The following TASP1 variants were observed in gnomAD, a reference collection of about 807,000 sequenced individuals.
TASP1 encodes the protein taspase 1.
TASP1 carries 16 observed loss-of-function variants against 56.6 expected under a neutral mutation model. That is an observed-to-expected ratio of 0.28 (90% CI 0.19 to 0.43). TASP1 has a LOEUF of 0.43. Ranked by LOEUF, TASP1 falls within the 20% of genes least tolerant of loss-of-function variation. TASP1 has a pLI of 1.00. For synonymous variants in TASP1, 179 were observed against 184.2 expected (o/e 0.97, Z 0.23); for missense variants, 393 against 511.6 (o/e 0.77, Z 2.24).
At chr20:13,549,218 T>G (rs1221328811) in intron 8 of TASP1, among the ~76,000 whole-genome samples, 2 of 152,086 alleles carry the variant, frequency 1.3e-5, no homozygotes, top group Non-Finnish European at 2.9e-5. Context: ...CCCTATTCCC[T>G]CCACTCCTCA....
the TASP1 span, chr20:13,164,880 TG>T: frequency 6.2e-7 from 1 of 1,604,636 alleles, no homozygotes; most frequent in Non-Finnish European, 8.5e-7. Context: ...TTCCTGGTCC[TG>T]AATGACACAT....
intron 12 of TASP1, 72 bp downstream of exon 12, chr20:13,434,971 AG>A (rs766319571): frequency 9.4e-7 from 1 of 1,065,552 alleles, no homozygotes; most frequent in Non-Finnish European, 1.4e-6. Context: ...TATTGACTTA[AG>A]GGTATAAATA....
chr20:13,185,404 C>T, the TASP1 span, among the ~76,000 whole-genome samples: 9 of 152,056 alleles, frequency 5.9e-5, no homozygotes, highest in Non-Finnish European at 1.3e-4. Flanking sequence ...ACCTCTCATA[C>T]ATTATTCCTG....
intron 10 of TASP1, among the ~76,000 whole-genome samples, chr20:13,502,402 A>G (rs1330915986): frequency 6.6e-6 from 1 of 152,198 alleles, no homozygotes; most frequent in African/African-American, 2.4e-5. Context: ...CACTAGAGTG[A>G]CATGGCAACT....
At chr20:13,322,797 C>T in the TASP1 span, among the ~76,000 whole-genome samples, 1 of 152,092 alleles carries the variant, frequency 6.6e-6, no homozygotes, top group Non-Finnish European at 1.5e-5. Context: ...AAGCAAGGGG[C>T]TTTTTATTTA....
At chr20:13,614,898 G>A in intron 4 of TASP1, 1 of 454,230 alleles carries the variant, frequency 2.2e-6, no homozygotes, top group Non-Finnish European at 4.5e-6. Context: ...AAAGACAAAT[G>A]TAGCTGTTTC....
At chr20:13,331,911 AG>A in the TASP1 span, among the ~76,000 whole-genome samples, 1 of 152,096 alleles carries the variant, frequency 6.6e-6, no homozygotes, top group Non-Finnish European at 1.5e-5. Context: ...TCTGGTTTTC[AG>A]TTGGGATTTG....
chr20:13,636,470 G>T (rs1340002545), intron 1 of TASP1, among the ~76,000 whole-genome samples: 2 of 151,820 alleles, frequency 1.3e-5, no homozygotes, highest in African/African-American at 4.8e-5. Context: ...TTGTGTTGTT[G>T]CTTTTAACAT....
downstream of TASP1, among the ~76,000 whole-genome samples, chr20:13,384,573 T>C (rs1483482967): frequency 6.6e-6 from 1 of 152,214 alleles, no homozygotes; most frequent in African/African-American, 2.4e-5. Context: ...GGCTAATACC[T>C]TGCGGACTTG....
intron 4 of TASP1, among the ~76,000 whole-genome samples, chr20:13,591,517 T>C (rs1461584238): frequency 6.6e-6 from 1 of 152,094 alleles, no homozygotes; most frequent in Non-Finnish European, 1.5e-5. Flanking sequence ...AAATAAAGAC[T>C]TCTTCAGACA....
At chr20:13,316,608 C>T in the TASP1 span, among the ~76,000 whole-genome samples, 1 of 151,708 alleles carries the variant, frequency 6.6e-6, no homozygotes, top group African/African-American at 2.4e-5. Context: ...TGGGATTTAT[C>T]CTAGATATGC....
At chr20:13,169,714 A>T in the TASP1 span, among the ~76,000 whole-genome samples, 2 of 152,218 alleles carry the variant, frequency 1.3e-5, no homozygotes, top group African/African-American at 4.8e-5. Context: ...AAAATGTTAA[A>T]CATACGTAAA....
chr20:13,531,507 T>A (rs1381319949), intron 9 of TASP1, among the ~76,000 whole-genome samples: 1 of 151,886 alleles, frequency 6.6e-6, no homozygotes, highest in Admixed American at 6.6e-5. Context: ...TTTTTCTTTT[T>A]TTTGAGACAG....
intron 8 of TASP1, among the ~76,000 whole-genome samples, chr20:13,545,339 TCA>T (rs2045769096): frequency 6.6e-6 from 1 of 152,144 alleles, no homozygotes. Context: ...CAAATTAATC[TCA>T]GTGATGTTTT....
chr20:13,115,447 G>A, the TASP1 span, among the ~76,000 whole-genome samples: 2 of 152,120 alleles, frequency 1.3e-5, no homozygotes, highest in East Asian at 1.9e-4. Context: ...TTAGCTGCCC[G>A]CAGTGTCTAC....
rs749779795 is a variant in TASP1 at position 13,587,399 on chromosome 20, T to C, written c.283-29A>G. The C allele has an allele frequency of 2.6e-6, 4 of 1,559,282 alleles. No individual in the cohort carries two copies. The South Asian group carries it at 3.5e-5, about 14-fold the overall frequency. The stretch of plus-strand genomic sequence containing the variant: ...AAAGACAAAAACAAAAATTAAAATA[T>C]CATTAGTCTTAAAAAAAGTATTAAT... On this transcript the variant is annotated intron_variant, in intron 4 of 13. Transcript: ENST00000337743.
the TASP1 span, among the ~76,000 whole-genome samples, chr20:13,241,479 A>G: frequency 6.6e-6 from 1 of 152,166 alleles, no homozygotes; most frequent in Non-Finnish European, 1.5e-5. Context: ...GCAAGGGGCT[A>G]TGTGTGAGCA....
chr20:13,459,169 T>C (rs375872299), intron 11 of TASP1, among the ~76,000 whole-genome samples: 1 of 152,248 alleles, frequency 6.6e-6, no homozygotes. Flanking sequence ...CCATGACTTC[T>C]CAATTTTTTT....
At chr20:13,475,923 T>C (rs913337516) in intron 11 of TASP1, among the ~76,000 whole-genome samples, 2 of 142,912 alleles carry the variant, frequency 1.4e-5, no homozygotes, top group South Asian at 2.2e-4. Flanking sequence ...AAAAAAACTA[T>C]ATTGACTAAC....
Sources: allele counts gnomAD v4.1 joint callset (sites outside exome capture counted in the v4.1 genomes callset), GRCh38; gene constraint gnomAD v4.1.1; transcripts MANE v1.5; gene names NCBI Gene and HGNC (gene_info 2026-07-23, HGNC 2026-07-21).